NXPH2: variants seen among roughly 807,000 people sequenced by gnomAD.
NXPH2 encodes the protein neurexophilin-2.
Under a neutral mutation model 19.8 loss-of-function variants are expected in NXPH2, and 5 were observed. That is an observed-to-expected ratio of 0.25 (90% CI 0.13 to 0.53). The LOEUF (loss-of-function observed/expected upper bound fraction) is 0.53. Among genes scored for constraint, NXPH2 ranks in the 20% least tolerant of loss-of-function variants. The pLI, the probability that NXPH2 is intolerant of heterozygous loss-of-function variation, is 0.96. For missense variants in NXPH2, 289 were observed against 322.8 expected (o/e 0.90, Z 0.80); for synonymous variants, 154 against 127.4 (o/e 1.21, Z -1.41).
chr2:138,719,275 A>G (rs962143222), intron 1 of NXPH2, among the ~76,000 whole-genome samples: 2 of 152,148 alleles, frequency 1.3e-5, no homozygotes, highest in Non-Finnish European at 2.9e-5. Flanking sequence ...AAAATAGAGT[A>G]TCATCCCTAT....
chr2:138,688,226 C>T (rs572745851), intron 1 of NXPH2, among the ~76,000 whole-genome samples: 3 of 152,172 alleles, frequency 2.0e-5, no homozygotes, highest in Non-Finnish European at 4.4e-5. Flanking sequence ...CTCTGTTGCC[C>T]AGCCTGGAGT....
chr2:138,732,579 A>G (rs1681468766), intron 1 of NXPH2, among the ~76,000 whole-genome samples: 1 of 152,180 alleles, frequency 6.6e-6, no homozygotes. Context: ...TCCTGTGCCT[A>G]AAAGCTCTGC....
At chr2:138,716,638 T>C (rs1194517298) in intron 1 of NXPH2, among the ~76,000 whole-genome samples, 4 of 152,228 alleles carry the variant, frequency 2.6e-5, no homozygotes, top group Non-Finnish European at 4.4e-5. Context: ...TTCGGTCCTT[T>C]TCTAGATACC....
chr2:138,690,096 C>T (rs1015437873), intron 1 of NXPH2, among the ~76,000 whole-genome samples: 1 of 152,154 alleles, frequency 6.6e-6, no homozygotes. Context: ...TCTGATTTTC[C>T]TCCTGCAAAC....
intron 1 of NXPH2, among the ~76,000 whole-genome samples, chr2:138,735,276 T>A (rs1239647228): frequency 6.6e-6 from 1 of 152,158 alleles, no homozygotes; most frequent in South Asian, 2.1e-4. Context: ...TTCATGATGC[T>A]GATAAAGACA....
At chr2:138,688,016 A>G (rs1249082076) in intron 1 of NXPH2, among the ~76,000 whole-genome samples, 2 of 152,176 alleles carry the variant, frequency 1.3e-5, no homozygotes, top group Non-Finnish European at 2.9e-5. Flanking sequence ...TGACTTGGCA[A>G]TGCGGGCCCT....
At chr2:138,674,812 T>G (rs1415951330) in intron 1 of NXPH2, among the ~76,000 whole-genome samples, 1 of 152,238 alleles carries the variant, frequency 6.6e-6, no homozygotes, top group Admixed American at 6.5e-5. Flanking sequence ...GTGATCATGA[T>G]TCTTGCTGCC....
chr2:138,743,750 C>G (rs1383219183), intron 1 of NXPH2, among the ~76,000 whole-genome samples: 1 of 152,016 alleles, frequency 6.6e-6, no homozygotes, highest in Non-Finnish European at 1.5e-5. Flanking sequence ...TGCCTGTAAT[C>G]CCAGCACTCT....
chr2:138,724,910 A>G (rs2104996030), intron 1 of NXPH2, among the ~76,000 whole-genome samples: 1 of 152,304 alleles, frequency 6.6e-6, no homozygotes. Flanking sequence ...GTTGAAAATC[A>G]GTCTGTGAGT....
intron 1 of NXPH2, among the ~76,000 whole-genome samples, chr2:138,743,046 C>G (rs1030773077): frequency 6.6e-6 from 1 of 152,162 alleles, no homozygotes; most frequent in East Asian, 1.9e-4. Context: ...CTCTGATAAA[C>G]AGTTGTAGCT....
chr2:138,731,641 C>G (rs1279785767), intron 1 of NXPH2, among the ~76,000 whole-genome samples: 3 of 152,018 alleles, frequency 2.0e-5, no homozygotes, highest in Non-Finnish European at 2.9e-5. Flanking sequence ...TCAAGATGAT[C>G]AATTTTAACA....
chr2:138,678,716 T>G (rs1176285168), intron 1 of NXPH2, among the ~76,000 whole-genome samples: 1 of 152,234 alleles, frequency 6.6e-6, no homozygotes, highest in Non-Finnish European at 1.5e-5. Context: ...TGATAGTTGA[T>G]AGCTCTATAA....
At chr2:138,674,946 T>G (rs1052432803) in intron 1 of NXPH2, among the ~76,000 whole-genome samples, 1 of 152,180 alleles carries the variant, frequency 6.6e-6, no homozygotes. Flanking sequence ...GCTCCCTTAC[T>G]TCCCAATCTC....
At position 138,671,478 on chromosome 2, in the gene NXPH2, A is replaced by T; in HGVS notation, c.239T>A (p.Phe80Tyr). The T allele has an allele frequency of 6.2e-7, 1 of 1,613,880 alleles. No individual in the cohort carries two copies. ...PMAYADSMEN[F>Y]WDWLANITEI... Reference sequence around the variant, plus strand: ...CGTGATGTTGGCCAGCCAATCCCAAAAGTTTTCCATGCTGTCTGCGTACGC... The same window carrying T: ...CGTGATGTTGGCCAGCCAATCCCAATAGTTTTCCATGCTGTCTGCGTACGC... The change falls in exon 2 of 2, where the codon TTT (phenylalanine) becomes TAT (tyrosine). Residue 80 changes from phenylalanine (F) to tyrosine (Y), a missense_variant. Transcript: ENST00000272641.
At chr2:138,735,173 T>A (rs1220653202) in intron 1 of NXPH2, among the ~76,000 whole-genome samples, 3 of 152,328 alleles carry the variant, frequency 2.0e-5, no homozygotes, top group African/African-American at 7.2e-5. Flanking sequence ...CAGCCTCCTA[T>A]AATTCCATGA....
In NXPH2 at chr2:138,780,383, G is replaced by T. The variant is rs1682335171; in HGVS notation, c.-142C>A. 4 of 191,938 alleles carry T rather than the reference G, an allele frequency of 2.1e-5. No homozygotes were observed. The South Asian group carries it at 2.3e-4, about 11-fold the overall frequency. The allele number at this position is 191,938 out of a possible 1,614,324, so 11.9% of individuals were successfully genotyped here. ...GAATCCGAGCGCTGCGCCGTGCCGC[G>T]CAGCTCTGGCCGGGTGGGCGGGCAG... On this transcript the variant is annotated 5_prime_UTR_variant, in exon 1 of 2. Coordinates refer to ENST00000272641, the MANE Select transcript of NXPH2 (RefSeq NM_007226.3).
intron 1 of NXPH2, among the ~76,000 whole-genome samples, chr2:138,773,377 A>ATACATATTCCTGTTATCATTAC (rs1368259596): frequency 1.1e-4 from 16 of 152,294 alleles, no homozygotes; most frequent in Admixed American, 5.2e-4. Flanking sequence ...AACTTCATTA[A>ATACATATTCCTGTTATCATTAC]TACATATTCC....
At chr2:138,714,109 G>T (rs1034420490) in intron 1 of NXPH2, among the ~76,000 whole-genome samples, 3 of 151,940 alleles carry the variant, frequency 2.0e-5, no homozygotes, top group Non-Finnish European at 4.4e-5. Flanking sequence ...TAGCCCATTT[G>T]TATGGTTATT....
intron 1 of NXPH2, among the ~76,000 whole-genome samples, chr2:138,709,822 C>T (rs573730812): frequency 1.4e-4 from 22 of 152,310 alleles, no homozygotes; most frequent in African/African-American, 5.3e-4. Context: ...TTTAAAGTTT[C>T]TCCATGTCTT....
Sources: gnomAD v4.1 joint callset for allele counts (sites outside exome capture counted in the v4.1 genomes callset) on GRCh38, gnomAD v4.1.1 for gene constraint, MANE v1.5 for transcripts, NCBI Gene and HGNC (gene_info 2026-07-23, HGNC 2026-07-21) for gene names.